Variants in PRR16 observed in about 807,000 individuals in gnomAD.
The protein encoded by PRR16 is protein Largen.
In PRR16, 6 loss-of-function variants were observed where a neutral mutation model predicts 18.2. That is an observed-to-expected ratio of 0.33 (90% CI 0.18 to 0.65). PRR16 has a LOEUF of 0.65. Among genes scored for constraint, PRR16 ranks in the 30% least tolerant of loss-of-function variants. The pLI is 0.74. For missense variants in PRR16, 412 were observed against 376.6 expected (o/e 1.09, Z -0.78); for synonymous variants, 151 against 147.8 (o/e 1.02, Z -0.16).
the PRR16 span, among the ~76,000 whole-genome samples, chr5:120,693,045 T>C: frequency 1.3e-5 from 2 of 152,140 alleles, no homozygotes; most frequent in Admixed American, 6.6e-5. Context: ...TACATACTTA[T>C]CTCTCCAGAA....
the PRR16 span, among the ~76,000 whole-genome samples, chr5:120,693,882 C>T: frequency 6.6e-6 from 1 of 152,172 alleles, no homozygotes; most frequent in Admixed American, 6.5e-5. Flanking sequence ...TTTATCTAAT[C>T]CTTCACAAGG....
intron 1 of PRR16, among the ~76,000 whole-genome samples, chr5:120,511,486 C>G (rs1750822922): frequency 6.6e-6 from 1 of 152,148 alleles, no homozygotes; most frequent in African/African-American, 2.4e-5. Flanking sequence ...TGTCTTATCT[C>G]TGACCTATTA....
chr5:120,691,307 TA>T (rs1446530243), downstream of PRR16, among the ~76,000 whole-genome samples: 14 of 152,320 alleles, frequency 9.2e-5, no homozygotes, highest in Non-Finnish European at 1.3e-4. Context: ...TGAAAGGGGT[TA>T]CCTAATGTTG....
At chr5:120,646,803 A>G (rs1476441641) in intron 1 of PRR16, among the ~76,000 whole-genome samples, 1 of 152,032 alleles carries the variant, frequency 6.6e-6, no homozygotes, top group Non-Finnish European at 1.5e-5. Flanking sequence ...ACAGGTGAGA[A>G]TTGAGAGGAA....
the PRR16 span, among the ~76,000 whole-genome samples, chr5:120,771,811 CTTTAAT>C: frequency 1.3e-5 from 2 of 151,738 alleles, no homozygotes; most frequent in Admixed American, 6.6e-5. Context: ...AAAATATATA[CTTTAAT>C]TTTAAAAATG....
At chr5:120,765,903 A>C in the PRR16 span, among the ~76,000 whole-genome samples, 28 of 151,994 alleles carry the variant, frequency 1.8e-4, no homozygotes, top group Non-Finnish European at 1.5e-5. Flanking sequence ...TCCTGTGTTT[A>C]CAATCTTCAC....
At chr5:120,760,025 G>A in the PRR16 span, among the ~76,000 whole-genome samples, 1 of 152,142 alleles carries the variant, frequency 6.6e-6, no homozygotes, top group African/African-American at 2.4e-5. Flanking sequence ...TAGGACTAGA[G>A]TCTCTAAGTC....
chr5:120,594,464 A>G (rs913701012), intron 1 of PRR16, among the ~76,000 whole-genome samples: 1 of 152,138 alleles, frequency 6.6e-6, no homozygotes, highest in African/African-American at 2.4e-5. Flanking sequence ...AGATGTTGCA[A>G]ACAAATAGAA....
chr5:120,575,998 T>TA (rs903402061), intron 1 of PRR16, among the ~76,000 whole-genome samples: 2 of 152,180 alleles, frequency 1.3e-5, no homozygotes, highest in African/African-American at 4.8e-5. Flanking sequence ...GTTAGACTCT[T>TA]AATCCCTCAC....
chr5:120,673,812 C>A (rs899939019), intron 1 of PRR16, among the ~76,000 whole-genome samples: 1 of 151,636 alleles, frequency 6.6e-6, no homozygotes, highest in Admixed American at 6.6e-5. Flanking sequence ...AAAATTAGCC[C>A]GGCATGGTGG....
intron 1 of PRR16, among the ~76,000 whole-genome samples, chr5:120,657,727 T>G (rs1381788479): frequency 6.6e-6 from 1 of 151,926 alleles, no homozygotes; most frequent in Non-Finnish European, 1.5e-5. Context: ...CTCTCCTGTT[T>G]ATTCTGCCTT....
the PRR16 span, among the ~76,000 whole-genome samples, chr5:120,739,626 A>ATGT: frequency 2.6e-5 from 4 of 152,316 alleles, no homozygotes; most frequent in South Asian, 8.3e-4. Flanking sequence ...ATAGGACGTC[A>ATGT]ACAACCCTAA....
At chr5:120,503,863 C>T (rs1267777967) in intron 1 of PRR16, among the ~76,000 whole-genome samples, 1 of 150,102 alleles carries the variant, frequency 6.7e-6, no homozygotes, top group South Asian at 2.1e-4. Context: ...TTGTTCAATT[C>T]CCACCTATGA....
At chr5:120,616,915 C>T (rs2112814167) in intron 1 of PRR16, among the ~76,000 whole-genome samples, 1 of 152,276 alleles carries the variant, frequency 6.6e-6, no homozygotes, top group Admixed American at 6.5e-5. Flanking sequence ...CCTTCCTAGA[C>T]ATGTTCTGTG....
At chr5:120,637,162 G>A (rs1580815226) in intron 1 of PRR16, among the ~76,000 whole-genome samples, 1 of 151,766 alleles carries the variant, frequency 6.6e-6, no homozygotes, top group African/African-American at 2.4e-5. Context: ...CGATGAAAAG[G>A]GAACCATTTT....
At chr5:120,775,725 G>A in the PRR16 span, among the ~76,000 whole-genome samples, 3 of 149,282 alleles carry the variant, frequency 2.0e-5, no homozygotes, top group Non-Finnish European at 4.4e-5. Flanking sequence ...CCACCTCTCA[G>A]GCTCAAGCGA....
chr5:120,667,665 C>T (rs1436116861), intron 1 of PRR16, among the ~76,000 whole-genome samples: 5 of 151,610 alleles, frequency 3.3e-5, no homozygotes, highest in East Asian at 1.9e-4. Context: ...TCTTTGTTCT[C>T]GTTGGTTTCA....
the PRR16 span, among the ~76,000 whole-genome samples, chr5:120,729,652 T>C: frequency 6.6e-6 from 1 of 152,164 alleles, no homozygotes; most frequent in African/African-American, 2.4e-5. Flanking sequence ...ACTAAATAAA[T>C]GAATGAGTGA....
chr5:120,670,169 A>C (rs1437143964), intron 1 of PRR16, among the ~76,000 whole-genome samples: 1 of 152,110 alleles, frequency 6.6e-6, no homozygotes, highest in Non-Finnish European at 1.5e-5. Context: ...ACATTTTTAG[A>C]AGTTAGAAAA....
Sources: gnomAD v4.1 joint callset for allele counts (sites outside exome capture counted in the v4.1 genomes callset) on GRCh38, gnomAD v4.1.1 for gene constraint, MANE v1.5 for transcripts, NCBI Gene and HGNC (gene_info 2026-07-23, HGNC 2026-07-21) for gene names.